Variants in ATP6V0D2 observed in about 807,000 individuals in gnomAD.
The protein encoded by ATP6V0D2 is V-type proton ATPase subunit d 2.
A neutral mutation model predicts 40.0 loss-of-function variants in ATP6V0D2; 40 were observed. That is an observed-to-expected ratio of 1.00 (90% CI 0.78 to 1.30). ATP6V0D2 has a LOEUF of 1.30. ATP6V0D2 is among the 50% of genes most tolerant of loss of function. The probability of loss-of-function intolerance (pLI) is 0.00; values close to 1 mark genes in which losing one functional copy is unlikely to be tolerated. For missense variants in ATP6V0D2, 470 were observed against 423.1 expected, an observed-to-expected ratio of 1.11 and a Z score of -0.97; for synonymous variants, 179 against 156.3, an observed-to-expected ratio of 1.15 and a Z score of -1.08.
At chr8:86,127,436 T>C (rs1383844208) in intron 2 of ATP6V0D2, among the ~76,000 whole-genome samples, 1 of 151,870 alleles carries the variant, frequency 6.6e-6, no homozygotes, top group Non-Finnish European at 1.5e-5. Flanking sequence ...ATCCTTTCCA[T>C]GAACAATGAC....
At chr8:86,117,070 T>A (rs1818599394) in intron 2 of ATP6V0D2, among the ~76,000 whole-genome samples, 2 of 152,228 alleles carry the variant, frequency 1.3e-5, no homozygotes, top group Non-Finnish European at 2.9e-5. Context: ...ATATAACAGC[T>A]ATTTGTAAAT....
At chr8:86,139,380 T>C in intron 2 of ATP6V0D2, 77 bp from the exon 3 acceptor site, 1 of 1,230,610 alleles carries the variant, frequency 8.1e-7, no homozygotes, top group Non-Finnish European at 1.1e-6. Context: ...ACCTAAAGAG[T>C]GTGTGTTTTT....
At chr8:86,101,146 C>A (rs965120100) in intron 1 of ATP6V0D2, among the ~76,000 whole-genome samples, 476 of 129,486 alleles carry the variant, frequency 3.7e-3, no homozygotes, top group Admixed American at 3.8e-3. Flanking sequence ...AATTCTGTCT[C>A]AAAAAAAAAA....
At chr8:86,144,076 A>G (rs949228788) in intron 5 of ATP6V0D2, among the ~76,000 whole-genome samples, 1 of 152,216 alleles carries the variant, frequency 6.6e-6, no homozygotes, top group Non-Finnish European at 1.5e-5. Context: ...TTATGTGTCA[A>G]ACACCACCAT....
intron 1 of ATP6V0D2, among the ~76,000 whole-genome samples, chr8:86,102,833 T>C (rs951261797): frequency 1.3e-5 from 2 of 152,346 alleles, no homozygotes; most frequent in South Asian, 4.1e-4. Context: ...CCTTTGTCAC[T>C]GGTATTGCTT....
chr8:86,099,147 A>C (rs1172660719), intron 1 of ATP6V0D2, 39 bp downstream of exon 1: 3 of 1,559,970 alleles, frequency 1.9e-6, no homozygotes, highest in Non-Finnish European at 2.6e-6. Flanking sequence ...AAGAAAAAAA[A>C]AAAAATGAAA....
At chr8:86,133,845 CAG>C (rs1818861614) in intron 2 of ATP6V0D2, among the ~76,000 whole-genome samples, 1 of 151,880 alleles carries the variant, frequency 6.6e-6, no homozygotes, top group African/African-American at 2.4e-5. Context: ...AGGCCACACA[CAG>C]AGTAGTAATA....
In ATP6V0D2 at chr8:86,118,492, A is replaced by G. The variant is rs190445825; in HGVS notation, c.302+4612A>G. Among the ~76,000 whole-genome samples, 8 of 152,238 alleles carry G rather than the reference A, an allele frequency of 5.3e-5. No individual in the cohort carries two copies. The East Asian group carries it at 1.5e-3, about 29-fold the overall frequency. On this transcript the variant is annotated intron_variant, in intron 2 of 7. Coordinates refer to ENST00000285393, the MANE Select transcript of ATP6V0D2 (RefSeq NM_152565.1). ...CAAAATGTAAAAGAGATGAAAGAAG[A>G]TGCCAGGATTACTCACAGAACGTAT...
Position 86,099,018 on chromosome 8 carries a change from G to A in ATP6V0D2, c.40G>A (p.Gly14Ser), listed in dbSNP as rs773585092. 6.2e-7 allele frequency: 1 copy of A among 1,614,052 alleles called. No homozygotes were observed. Among genetic ancestry groups the A allele is most frequent in the South Asian group, 1.1e-5 (1 of 91,066 alleles). Residue 14 changes from glycine (G) to serine (S), a missense_variant, in exon 1 of 8, where the codon GGC becomes AGC. Transcript: ENST00000285393. ...GAELYFNVDH[G>S]YLEGLVRGCK... Reference sequence around the variant, plus strand: ...GGAGCTGTACTTCAACGTGGACCATGGCTACCTGGAGGGCCTGGTTCGAGG... The same window carrying A: ...GGAGCTGTACTTCAACGTGGACCATAGCTACCTGGAGGGCCTGGTTCGAGG...
chr8:86,150,083 A>AT, intron 5 of ATP6V0D2, 29 bp from the exon 6 acceptor site: 1 of 1,600,910 alleles, frequency 6.2e-7, no homozygotes, highest in Non-Finnish European at 8.5e-7. Flanking sequence ...AGTTTATTAG[A>AT]TTTTACTGGT....
chr8:86,108,077 C>A (rs988704039), intron 1 of ATP6V0D2, among the ~76,000 whole-genome samples: 7 of 152,100 alleles, frequency 4.6e-5, no homozygotes, highest in Non-Finnish European at 1.0e-4. Context: ...ATTGAAAAAA[C>A]AATATTTTGT....
At chr8:86,140,103 T>C (rs1405232763) in intron 3 of ATP6V0D2, among the ~76,000 whole-genome samples, 4 of 152,208 alleles carry the variant, frequency 2.6e-5, no homozygotes, top group Non-Finnish European at 5.9e-5. Flanking sequence ...TTTAAAAATG[T>C]CATTTTTCTG....
intron 2 of ATP6V0D2, among the ~76,000 whole-genome samples, chr8:86,122,336 A>G (rs1818681520): frequency 1.3e-5 from 2 of 152,224 alleles, no homozygotes; most frequent in Admixed American, 1.3e-4. Flanking sequence ...TCTGACGTTA[A>G]GGACCACACA....
At chr8:86,104,876 C>CACACACAT (rs1818449781) in intron 1 of ATP6V0D2, among the ~76,000 whole-genome samples, 1 of 151,772 alleles carries the variant, frequency 6.6e-6, no homozygotes, top group African/African-American at 2.4e-5. Context: ...CACACACACA[C>CACACACAT]ACATCAAGAG....
intron 1 of ATP6V0D2, among the ~76,000 whole-genome samples, chr8:86,104,279 A>G (rs1818439298): frequency 6.6e-6 from 1 of 152,116 alleles, no homozygotes; most frequent in Admixed American, 6.6e-5. Context: ...GGCTCAAGCA[A>G]TCCTCCCACC....
chr8:86,153,199 T>G lies in ATP6V0D2; in HGVS notation c.*222T>G, dbSNP rs1819181687. The G allele has an allele frequency of 2.9e-6, 1 of 348,974 alleles. No individual in the cohort carries two copies. Among genetic ancestry groups the G allele is most frequent in the Non-Finnish European group, 5.1e-6 (1 of 196,794 alleles). 21.6% of individuals were successfully genotyped at this position (348,974 alleles called of 1,614,324 possible). A position where few individuals can be genotyped will look rare whatever the true frequency, so the allele number is the denominator to read the frequency against. On this transcript the variant is annotated 3_prime_UTR_variant, in exon 8 of 8. Coordinates refer to ENST00000285393, the MANE Select transcript of ATP6V0D2 (RefSeq NM_152565.1). ...TTGTTTCCACATGTCTGTCTCATTC[T>G]TCACTGGGCCTTACAGGTTAGTTTT...
At chr8:86,123,094 A>G (rs1385390164) in intron 2 of ATP6V0D2, among the ~76,000 whole-genome samples, 3 of 152,158 alleles carry the variant, frequency 2.0e-5, no homozygotes, top group Non-Finnish European at 4.4e-5. Context: ...GAGTGGTTGA[A>G]CACTTCCGCT....
chr8:86,129,107 G>T (rs1802720258), intron 2 of ATP6V0D2, among the ~76,000 whole-genome samples: 1 of 152,216 alleles, frequency 6.6e-6, no homozygotes, highest in South Asian at 2.1e-4. Context: ...CTCTACGAGT[G>T]CTTTCATATG....
intron 1 of ATP6V0D2, among the ~76,000 whole-genome samples, chr8:86,111,443 C>T (rs1818527119): frequency 1.3e-5 from 2 of 152,136 alleles, no homozygotes. Flanking sequence ...CGAGCAGTAT[C>T]CTATGGTATA....
Sources: gnomAD v4.1 joint callset for allele counts (sites outside exome capture counted in the v4.1 genomes callset) on GRCh38, gnomAD v4.1.1 for gene constraint, MANE v1.5 for transcripts, NCBI Gene and HGNC (gene_info 2026-07-23, HGNC 2026-07-21) for gene names.